The following ANKRD44 variants were observed in gnomAD, a reference collection of about 807,000 sequenced individuals.
ANKRD44 encodes the protein ankyrin repeat domain 44.
A neutral mutation model predicts 116.0 loss-of-function variants in ANKRD44; 35 were observed. That is an observed-to-expected ratio of 0.30 (90% CI 0.23 to 0.40). The LOEUF (loss-of-function observed/expected upper bound fraction) is 0.40. Ranked by LOEUF, ANKRD44 falls within the 10% of genes least tolerant of loss-of-function variation. ANKRD44 has a pLI of 1.00. For synonymous variants in ANKRD44, 435 were observed against 461.8 expected, an observed-to-expected ratio of 0.94 and a Z score of 0.74; for missense variants, 1,014 against 1,242.6, an observed-to-expected ratio of 0.82 and a Z score of 2.77.
In ANKRD44 at chr2:196,998,538, A is replaced by C. The variant is rs540237233; in HGVS notation, c.2666-119T>G. 4.0e-6 allele frequency: 3 copies of C among 757,078 alleles called. No homozygotes were observed. The African/African-American group carries it at 5.3e-5, about 13-fold the overall frequency. The allele number at this position is 757,078 out of a possible 1,614,324, so 46.9% of individuals were successfully genotyped here. On this transcript the variant is annotated intron_variant, in intron 24 of 27. Transcript: ENST00000282272. Reference sequence around the variant, plus strand: ...TAGTACAGTTCACATAATCATATTTAATGTATTTAAAGAAAAAAGGGAGTA... The same window carrying C: ...TAGTACAGTTCACATAATCATATTTCATGTATTTAAAGAAAAAAGGGAGTA...
intron 1 of ANKRD44, among the ~76,000 whole-genome samples, chr2:197,269,911 A>C (rs150039938): frequency 6.6e-6 from 1 of 152,302 alleles, no homozygotes; most frequent in East Asian, 1.9e-4. Context: ...GGGAGGTGCA[A>C]AGGGCAGAGG....
chr2:197,057,733 C>G (rs932479803), intron 16 of ANKRD44, among the ~76,000 whole-genome samples: 1 of 152,168 alleles, frequency 6.6e-6, no homozygotes, highest in African/African-American at 2.4e-5. Flanking sequence ...CGGCACATGC[C>G]TGTAATCCCA....
rs139701982 is a variant in ANKRD44 at position 197,135,409 on chromosome 2, C to T, written c.261+1183G>A. On this transcript the variant is annotated intron_variant, in intron 4 of 27. Coordinates refer to ENST00000282272, the MANE Select transcript of ANKRD44 (RefSeq NM_001195144.2). ...ATAATGGGCATCTCCTCTGACCAGG[C>T]TTCAAGGCTGACATTCACCAGGGTT... is the stretch of plus-strand genomic sequence containing the variant. 8.9e-3 allele frequency: 1,360 copies of T among 152,394 alleles called. 17 individuals are homozygous for T. Among genetic ancestry groups the T allele is most frequent in the Middle Eastern group, 0.03 (9 of 296 alleles). The allele number at this position is 152,394 out of a possible 1,614,324, so 9.4% of individuals were successfully genotyped here.
chr2:197,251,466 C>T (rs1372867874), intron 1 of ANKRD44, among the ~76,000 whole-genome samples: 1 of 152,210 alleles, frequency 6.6e-6, no homozygotes, highest in Non-Finnish European at 1.5e-5. Flanking sequence ...ATTAACATTG[C>T]TGCCAGAAAT....
Position 196,989,414 on chromosome 2 carries a change from A to T in ANKRD44, c.*177T>A, listed in dbSNP as rs961938946. The T allele has an allele frequency of 1.6e-6, 2 of 1,217,642 alleles. No individual in the cohort carries two copies. The highest frequency in any genetic ancestry group is 2.1e-6 in the Non-Finnish European group (2 of 975,074). The allele number at this position is 1,217,642 out of a possible 1,614,324, so 75.4% of individuals were successfully genotyped here. The stretch of plus-strand genomic sequence containing the variant: ...TTACATTTAACTCCATAAAAAAGCT[A>T]CTTCAGTTCTCACTTGCATTTTGAA... On this transcript the variant is annotated 3_prime_UTR_variant, in exon 28 of 28. Coordinates refer to ENST00000282272, the MANE Select transcript of ANKRD44 (RefSeq NM_001195144.2).
chr2:197,250,236 C>T (rs1412922289), intron 1 of ANKRD44, among the ~76,000 whole-genome samples: 1 of 152,154 alleles, frequency 6.6e-6, no homozygotes, highest in African/African-American at 2.4e-5. Flanking sequence ...TGCAAGATAG[C>T]TGCAGTAACA....
intron 16 of ANKRD44, chr2:197,029,751 T>C (rs763638217): frequency 2.8e-5 from 8 of 285,624 alleles, no homozygotes; most frequent in Middle Eastern, 1.2e-3. Flanking sequence ...CATAGATCTT[T>C]TTGATATCAC....
intron 4 of ANKRD44, among the ~76,000 whole-genome samples, chr2:197,132,433 T>A (rs925969473): frequency 1.3e-5 from 2 of 152,260 alleles, no homozygotes; most frequent in East Asian, 3.8e-4. Flanking sequence ...AATATTATGA[T>A]CTGACACCCT....
At position 197,025,214 on chromosome 2, in the gene ANKRD44, C is replaced by G. The variant is rs1168527751; in HGVS notation, c.1704G>C (p.Lys568Asn). Residue 568 changes from lysine to asparagine, a missense_variant, in exon 17 of 28, where the codon AAG becomes AAC. Coordinates refer to ENST00000282272, the MANE Select transcript of ANKRD44 (RefSeq NM_001195144.2). The stretch of plus-strand genomic sequence containing the variant: ...CACTTACAGCTAAGTGGAGTGGACT[C>G]TTAGTAGCACCAGAATCTGATTCTT... ...GFEESDSGAT[K>N]SPLHLAAYNG... The G allele has an allele frequency of 6.2e-7, 1 of 1,612,656 alleles. No individual in the cohort carries two copies. The highest frequency in any genetic ancestry group is 1.7e-5 in the Admixed American group (1 of 60,004).
In ANKRD44 at chr2:197,310,678, G is replaced by T; in HGVS notation, c.-74C>A. 7.8e-7 allele frequency: 1 copy of T among 1,287,020 alleles called. No individual in the cohort carries two copies. The highest frequency in any genetic ancestry group is 1.5e-5 in the South Asian group (1 of 65,408). The allele number at this position is 1,287,020 out of a possible 1,614,324, so 79.7% of individuals were successfully genotyped here. On this transcript the variant is annotated 5_prime_UTR_variant, in exon 1 of 28. Coordinates refer to ENST00000282272, the MANE Select transcript of ANKRD44 (RefSeq NM_001195144.2). ...TGTCACGCCGGGAGCCGGGGAAGCG[G>T]AAGGGATTGCCAGGAGAAGGGAAAA...
intron 1 of ANKRD44, among the ~76,000 whole-genome samples, chr2:197,287,907 C>T (rs1277316645): frequency 1.3e-5 from 2 of 151,166 alleles, no homozygotes; most frequent in African/African-American, 2.4e-5. Context: ...GTAGTCCCAG[C>T]CACTTGGGAG....
chr2:197,047,724 A>G (rs946265435), intron 16 of ANKRD44, among the ~76,000 whole-genome samples: 3 of 152,102 alleles, frequency 2.0e-5, no homozygotes, highest in Non-Finnish European at 4.4e-5. Context: ...ATCCTGGCCA[A>G]CATGTTGAAA....
chr2:196,978,093 C>T (rs1188182364), intron 21 of ANKRD44, among the ~76,000 whole-genome samples: 2 of 152,182 alleles, frequency 1.3e-5, no homozygotes, highest in Admixed American at 1.3e-4. Flanking sequence ...CTCCAAATCT[C>T]ATGTTGCAAT....
intron 2 of ANKRD44, among the ~76,000 whole-genome samples, chr2:197,168,941 C>G (rs889924944): frequency 2.6e-5 from 4 of 152,226 alleles, no homozygotes; most frequent in Non-Finnish European, 5.9e-5. Context: ...CTTCTACTCT[C>G]CCTGTCACAA....
chr2:197,307,883 T>C (rs2084120249), intron 1 of ANKRD44, among the ~76,000 whole-genome samples: 1 of 152,156 alleles, frequency 6.6e-6, no homozygotes. Context: ...ATTCAACAGA[T>C]GAGGTGCCAG....
chr2:197,237,012 C>A (rs764957137), intron 1 of ANKRD44, among the ~76,000 whole-genome samples: 1 of 152,182 alleles, frequency 6.6e-6, no homozygotes, highest in Non-Finnish European at 1.5e-5. Context: ...CTTTGATGCC[C>A]TGGCAGCGGG....
intron 10 of ANKRD44, among the ~76,000 whole-genome samples, chr2:197,095,931 T>C (rs1057172208): frequency 6.6e-6 from 1 of 152,186 alleles, no homozygotes; most frequent in African/African-American, 2.4e-5. Context: ...TTTGCTAGCG[T>C]CAAAAGCCTA....
At chr2:197,185,222 T>G (rs1417025802) in intron 2 of ANKRD44, among the ~76,000 whole-genome samples, 1 of 152,238 alleles carries the variant, frequency 6.6e-6, no homozygotes, top group African/African-American at 2.4e-5. Context: ...TGGAGTAGCC[T>G]GTCCCTGGCC....
intron 2 of ANKRD44, among the ~76,000 whole-genome samples, chr2:197,156,241 G>A (rs1487324916): frequency 5.3e-5 from 8 of 152,202 alleles, no homozygotes; most frequent in African/African-American, 1.9e-4. Context: ...AGCTACTCAG[G>A]AGGCTGAGGC....
Sources: gnomAD v4.1 joint callset for allele counts (sites outside exome capture counted in the v4.1 genomes callset) on GRCh38, gnomAD v4.1.1 for gene constraint, MANE v1.5 for transcripts, NCBI Gene and HGNC (gene_info 2026-07-23, HGNC 2026-07-21) for gene names.